The following IGFBP7 variants were observed in gnomAD, a reference collection of about 807,000 sequenced individuals.
The protein encoded by IGFBP7 is insulin like growth factor binding protein 7.
A neutral mutation model predicts 29.4 loss-of-function variants in IGFBP7; 31 were observed. That is an observed-to-expected ratio of 1.05 (90% CI 0.79 to 1.42). IGFBP7 has a LOEUF of 1.42. Ranked by LOEUF, IGFBP7 falls within the 40% of genes most tolerant of loss-of-function variation. IGFBP7 has a pLI of 0.00. For missense variants in IGFBP7, 393 were observed against 395.5 expected (o/e 0.99, Z 0.05); for synonymous variants, 172 against 174.9 (o/e 0.98, Z 0.13).
At chr4:57,084,517 G>T (rs1725448128) in intron 1 of IGFBP7, among the ~76,000 whole-genome samples, 1 of 152,128 alleles carries the variant, frequency 6.6e-6, no homozygotes, top group African/African-American at 2.4e-5. Context: ...CATTTTCCAA[G>T]ATTTCTTTAA....
chr4:57,066,057 A>G (rs1724914966), intron 1 of IGFBP7, among the ~76,000 whole-genome samples: 1 of 152,146 alleles, frequency 6.6e-6, no homozygotes, highest in African/African-American at 2.4e-5. Flanking sequence ...TTAAGGTCCC[A>G]TCCACCCTTC....
intron 1 of IGFBP7, among the ~76,000 whole-genome samples, chr4:57,103,844 A>G (rs766876711): frequency 6.6e-6 from 1 of 151,044 alleles, no homozygotes; most frequent in African/African-American, 2.4e-5. Context: ...TTTTTTTTAT[A>G]GAGACGAGGT....
chr4:57,072,552 T>C (rs897040386), intron 1 of IGFBP7: 3 of 235,400 alleles, frequency 1.3e-5, no homozygotes, highest in Middle Eastern at 1.6e-3. Context: ...AAATAGTCAG[T>C]TGCAGTTGTG....
intron 2 of IGFBP7, among the ~76,000 whole-genome samples, chr4:57,035,789 G>C (rs529309849): frequency 3.8e-4 from 58 of 152,258 alleles, no homozygotes; most frequent in Non-Finnish European, 5.3e-4. Flanking sequence ...AGTTAAAATT[G>C]GAATTAAAAC....
intron 1 of IGFBP7, among the ~76,000 whole-genome samples, chr4:57,056,909 T>C (rs1348318839): frequency 1.3e-5 from 2 of 152,248 alleles, no homozygotes; most frequent in Non-Finnish European, 2.9e-5. Flanking sequence ...AATGGTGCTT[T>C]CTTTTTTTGA....
chr4:57,077,861 A>C (rs1725265032), intron 1 of IGFBP7, among the ~76,000 whole-genome samples: 1 of 152,216 alleles, frequency 6.6e-6, no homozygotes, highest in African/African-American at 2.4e-5. Context: ...TGGGGTAATA[A>C]CAGCACTCAG....
chr4:57,046,311 A>G (rs1373206015), intron 1 of IGFBP7, among the ~76,000 whole-genome samples: 2 of 148,620 alleles, frequency 1.3e-5, no homozygotes, highest in African/African-American at 2.5e-5. Context: ...CTGTCCTGCA[A>G]TTCAATCCCT....
At chr4:57,096,980 TATGTACATA>T (rs1373880688) in intron 1 of IGFBP7, among the ~76,000 whole-genome samples, 1 of 152,196 alleles carries the variant, frequency 6.6e-6, no homozygotes, top group Non-Finnish European at 1.5e-5. Flanking sequence ...TAATACTCAA[TATGTACATA>T]ATGGGCATTA....
chr4:57,108,264 C>G (rs1337017581), intron 1 of IGFBP7, among the ~76,000 whole-genome samples: 1 of 152,116 alleles, frequency 6.6e-6, no homozygotes, highest in Non-Finnish European at 1.5e-5. Flanking sequence ...TGACATACAA[C>G]CTATTAGTTT....
chr4:57,069,521 T>A (rs1725007539), intron 1 of IGFBP7, among the ~76,000 whole-genome samples: 1 of 152,130 alleles, frequency 6.6e-6, no homozygotes, highest in Non-Finnish European at 1.5e-5. Context: ...TGGTCTGTCC[T>A]TCTGTGGTGG....
intron 1 of IGFBP7, among the ~76,000 whole-genome samples, chr4:57,052,718 G>C (rs1056137285): frequency 6.6e-6 from 1 of 152,144 alleles, no homozygotes; most frequent in Non-Finnish European, 1.5e-5. Context: ...CCTGGTGACC[G>C]CGTGCCCAGG....
intron 1 of IGFBP7, among the ~76,000 whole-genome samples, chr4:57,087,755 C>T (rs914219168): frequency 6.6e-6 from 1 of 152,130 alleles, no homozygotes; most frequent in Non-Finnish European, 1.5e-5. Flanking sequence ...TTTCCATAAC[C>T]CTAACCCTAA....
chr4:57,031,480 T>A, intron 4 of IGFBP7, 144 bp from the exon 5 acceptor site: 1 of 666,360 alleles, frequency 1.5e-6, no homozygotes, highest in South Asian at 1.8e-5. Context: ...GTATAAATGA[T>A]ATGCTGGAGT....
chr4:57,092,201 C>T (rs546971236), intron 1 of IGFBP7, among the ~76,000 whole-genome samples: 8 of 152,246 alleles, frequency 5.3e-5, no homozygotes, highest in East Asian at 1.9e-4. Context: ...AGTAAGAATG[C>T]GGATGCTTTT....
chr4:57,103,822 C>T (rs1471642876), intron 1 of IGFBP7, among the ~76,000 whole-genome samples: 7 of 151,432 alleles, frequency 4.6e-5, no homozygotes, highest in Admixed American at 3.3e-4. Context: ...CCACACCCAG[C>T]TAATTTTTTT....
At chr4:57,073,969 A>C (rs1048039855) in intron 1 of IGFBP7, among the ~76,000 whole-genome samples, 1 of 152,222 alleles carries the variant, frequency 6.6e-6, no homozygotes, top group East Asian at 1.9e-4. Context: ...CAGCTCACCC[A>C]GCCACTGTCC....
intron 1 of IGFBP7, among the ~76,000 whole-genome samples, chr4:57,095,911 A>G (rs1725749990): frequency 6.6e-6 from 1 of 152,164 alleles, no homozygotes; most frequent in Non-Finnish European, 1.5e-5. Context: ...AACAGGGCAC[A>G]TAATAAATCC....
intron 1 of IGFBP7, among the ~76,000 whole-genome samples, chr4:57,041,907 TG>T (rs976155504): frequency 6.6e-6 from 1 of 152,068 alleles, no homozygotes; most frequent in African/African-American, 2.4e-5. Flanking sequence ...TCTTCCAGTG[TG>T]CTCAGGAGAG....
intron 2 of IGFBP7, among the ~76,000 whole-genome samples, chr4:57,040,506 A>G (rs1465378814): frequency 6.6e-6 from 1 of 152,198 alleles, no homozygotes; most frequent in African/African-American, 2.4e-5. Context: ...ACACAGACAC[A>G]CACACTTTCA....
Sources: allele counts gnomAD v4.1 joint callset (sites outside exome capture counted in the v4.1 genomes callset), GRCh38; gene constraint gnomAD v4.1.1; transcripts MANE v1.5; gene names NCBI Gene and HGNC (gene_info 2026-07-23, HGNC 2026-07-21).